Variants in ACSM2A observed in about 807,000 individuals in gnomAD.
ACSM2A encodes acyl-coenzyme A synthetase ACSM2A, mitochondrial.
Under a neutral mutation model 76.6 loss-of-function variants are expected in ACSM2A, and 72 were observed. The ratio of observed to expected loss-of-function variants is 0.94; its 90% CI spans 0.78 to 1.14. The LOEUF is 1.14. Among genes scored for constraint, ACSM2A ranks in the 50% most tolerant of loss-of-function variants. ACSM2A has a pLI of 0.00. For synonymous variants in ACSM2A, 249 were observed against 255.9 expected (o/e 0.97, Z 0.26); for missense variants, 684 against 708.5 (o/e 0.97, Z 0.39).
At chr16:20,467,611 G>A (rs188026615) in intron 3 of ACSM2A, among the ~76,000 whole-genome samples, 301 of 152,160 alleles carry the variant, frequency 2.0e-3, no homozygotes, top group Middle Eastern at 3.4e-3. Flanking sequence ...GGGAGAGAGA[G>A]AGAAGTACAG....
chr16:20,472,795 G>A (rs1057360256), intron 6 of ACSM2A, among the ~76,000 whole-genome samples: 12 of 152,116 alleles, frequency 7.9e-5, no homozygotes, highest in Non-Finnish European at 1.3e-4. Flanking sequence ...ATTAGTCCAC[G>A]TGTTGCATGT....
chr16:20,485,730 A>C (rs902162063), intron 13 of ACSM2A, among the ~76,000 whole-genome samples: 1 of 152,232 alleles, frequency 6.6e-6, no homozygotes, highest in African/African-American at 2.4e-5. Context: ...CTTATAGAAG[A>C]ATTCTTATAT....
At chr16:20,467,786 G>A (rs766819843) in intron 3 of ACSM2A, among the ~76,000 whole-genome samples, 16 of 152,120 alleles carry the variant, frequency 1.1e-4, no homozygotes, top group Non-Finnish European at 2.1e-4. Flanking sequence ...TTGGATTTAA[G>A]GCTCTAAAAT....
At chr16:20,471,881 C>T (rs2013436360) in intron 6 of ACSM2A, among the ~76,000 whole-genome samples, 192 bp downstream of exon 6, 1 of 152,122 alleles carries the variant, frequency 6.6e-6, no homozygotes, top group African/African-American at 2.4e-5. Flanking sequence ...GAGAGAGGCA[C>T]ATATATAGAT....
chr16:20,470,795 T>A (rs1189941865), intron 4 of ACSM2A: 2 of 608,270 alleles, frequency 3.3e-6, no homozygotes, highest in Admixed American at 4.3e-5. Flanking sequence ...TCTATAAGAC[T>A]TGATCTCACT....
intron 7 of ACSM2A, 21 bp downstream of exon 7, chr16:20,475,462 G>T (rs756740435): frequency 6.2e-7 from 1 of 1,613,494 alleles, no homozygotes; most frequent in Non-Finnish European, 8.5e-7. Flanking sequence ...TTTGAGGATT[G>T]GTAAGAGAGT....
At chr16:20,464,719 T>A (rs1217524306) in intron 2 of ACSM2A, among the ~76,000 whole-genome samples, 1 of 152,072 alleles carries the variant, frequency 6.6e-6, no homozygotes, top group Admixed American at 6.6e-5. Context: ...GACAATATCA[T>A]GTATCTAGAA....
At chr16:20,483,822 T>C (rs1451708647) in intron 13 of ACSM2A, among the ~76,000 whole-genome samples, 1 of 152,124 alleles carries the variant, frequency 6.6e-6, no homozygotes. Flanking sequence ...TAGCTTGACA[T>C]TTATTGCTCA....
chr16:20,486,497 A>G (rs2014388825), intron 13 of ACSM2A, 77 bp from the exon 14 acceptor site: 2 of 1,514,462 alleles, frequency 1.3e-6, no homozygotes, highest in African/African-American at 1.4e-5. Context: ...ACTTCCCCTC[A>G]CCCTACAGCA....
At position 20,476,664 on chromosome 16, in the gene ACSM2A, G is replaced by T. The variant is rs1285259654; in HGVS notation, c.1099-705G>T. On this transcript the variant is annotated intron_variant, in intron 8 of 13. Transcript: ENST00000573854. ...CTCAGCAGCCTCTCTTCTGAGGTGG[G>T]TGGATAAACTTGCCCTTTCCAGCAC... The T allele has an allele frequency of 3.0e-6, 3 of 987,064 alleles. No homozygotes were observed. The East Asian group carries it at 3.4e-4, about 111-fold the overall frequency. The allele number at this position is 987,064 out of a possible 1,614,324, so 61.1% of individuals were successfully genotyped here.
chr16:20,485,363 C>A (rs1383905269), intron 13 of ACSM2A, among the ~76,000 whole-genome samples: 1 of 152,176 alleles, frequency 6.6e-6, no homozygotes. Flanking sequence ...CACCTTCCCC[C>A]TCCTTCCACC....
chr16:20,470,329 G>C (rs1038192937), intron 4 of ACSM2A, among the ~76,000 whole-genome samples: 2 of 152,150 alleles, frequency 1.3e-5, no homozygotes, highest in East Asian at 1.9e-4. Flanking sequence ...ATCTCTAAGA[G>C]AGGCTGATCA....
intron 10 of ACSM2A, among the ~76,000 whole-genome samples, chr16:20,479,582 A>G (rs1269562316): frequency 1.3e-5 from 2 of 152,186 alleles, no homozygotes; most frequent in South Asian, 2.1e-4. Context: ...TTGTAGATCC[A>G]AATGATTATT....
intron 12 of ACSM2A, 189 bp from the exon 13 acceptor site, chr16:20,482,869 T>C: frequency 2.4e-6 from 2 of 838,350 alleles, no homozygotes; most frequent in Non-Finnish European, 3.5e-6. Context: ...GCTCCTCCAA[T>C]AAATGACTTC....
At chr16:20,473,117 C>T (rs181329102) in intron 6 of ACSM2A, among the ~76,000 whole-genome samples, 1 of 152,094 alleles carries the variant, frequency 6.6e-6, no homozygotes, top group Non-Finnish European at 1.5e-5. Context: ...CCCTGCTGTG[C>T]CCCCAGATCT....
At chr16:20,484,500 CA>C (rs536472005) in intron 13 of ACSM2A, among the ~76,000 whole-genome samples, 535 of 116,278 alleles carry the variant, frequency 4.6e-3, no homozygotes, top group South Asian at 8.4e-3. Flanking sequence ...TTCCTCAGCA[CA>C]GGCTAATTGT....
rs1261175699 is a variant in ACSM2A, at chr16:20,481,104, G to C, written c.1509+183G>C. 4 of 703,522 alleles carry C rather than the reference G, an allele frequency of 5.7e-6. No individual in the cohort carries two copies. The African/African-American group carries it at 7.2e-5, about 13-fold the overall frequency. 43.6% of individuals were successfully genotyped at this position (703,522 alleles called of 1,614,324 possible). A position where few individuals can be genotyped will look rare whatever the true frequency, so the allele number is the denominator to read the frequency against. On this transcript the variant is annotated intron_variant, in intron 12 of 13. Transcript: ENST00000573854. ...TCTCTGTTTCTCAGTTTCCCCATCT[G>C]TAAGATGAGGGATTGTTATGAGGGT...
In ACSM2A at chr16:20,487,632, C is replaced by T. The variant is rs2014445949; in HGVS notation, c.*954C>T. On this transcript the variant is annotated 3_prime_UTR_variant, in exon 14 of 14. Coordinates refer to ENST00000573854, the MANE Select transcript of ACSM2A (RefSeq NM_001308172.2). Reference sequence around the variant, plus strand: ...TCTCATGTTTTTGATGTTATCTACTCTTCCTAGAATCAAATATTAAAATAA... The same window carrying T: ...TCTCATGTTTTTGATGTTATCTACTTTTCCTAGAATCAAATATTAAAATAA... The T allele has an allele frequency of 6.6e-6, 1 of 152,218 alleles. No homozygotes were observed. Among genetic ancestry groups the T allele is most frequent in the Non-Finnish European group, 1.5e-5 (1 of 68,056 alleles). 9.4% of individuals were successfully genotyped at this position (152,218 alleles called of 1,614,324 possible).
At chr16:20,463,105 T>C (rs2012734301) in intron 2 of ACSM2A, among the ~76,000 whole-genome samples, 1 of 140,270 alleles carries the variant, frequency 7.1e-6, no homozygotes, top group African/African-American at 2.6e-5. Context: ...GGGGGAGGGA[T>C]AACATTAGGC....
Sources: allele counts gnomAD v4.1 joint callset (sites outside exome capture counted in the v4.1 genomes callset), GRCh38; gene constraint gnomAD v4.1.1; transcripts MANE v1.5; gene names NCBI Gene and HGNC (gene_info 2026-07-23, HGNC 2026-07-21).